Variants in MYO1E observed in about 807,000 individuals in gnomAD.
MYO1E encodes the protein myosin IE.
In MYO1E, 68 loss-of-function variants were observed where a neutral mutation model predicts 151.1. That is an observed-to-expected ratio of 0.45 (90% CI 0.37 to 0.55). The LOEUF (loss-of-function observed/expected upper bound fraction) is 0.55. Among genes scored for constraint, MYO1E ranks in the 20% least tolerant of loss-of-function variants. The pLI is 0.00. For missense variants in MYO1E, 1,363 were observed against 1,389.3 expected (o/e 0.98, Z 0.30); for synonymous variants, 601 against 501.7 (o/e 1.20, Z -2.64).
intron 25 of MYO1E, among the ~76,000 whole-genome samples, chr15:59,157,959 C>T (rs774606285): frequency 1.3e-5 from 2 of 152,212 alleles, no homozygotes; most frequent in Non-Finnish European, 2.9e-5. Context: ...CATAAAGCAG[C>T]ATCCTGTGTC....
intron 4 of MYO1E, among the ~76,000 whole-genome samples, chr15:59,251,978 C>G (rs2080167771): frequency 6.6e-6 from 1 of 152,184 alleles, no homozygotes; most frequent in Non-Finnish European, 1.5e-5. Flanking sequence ...GTTACTTTAA[C>G]AGCATTAACA....
At chr15:59,257,366 G>C (rs1177333546) in intron 3 of MYO1E, among the ~76,000 whole-genome samples, 1 of 152,182 alleles carries the variant, frequency 6.6e-6, no homozygotes, top group African/African-American at 2.4e-5. Context: ...TACTTGGGAG[G>C]CTGAGGTGGG....
chr15:59,155,726 G>C (rs983702539), intron 25 of MYO1E, among the ~76,000 whole-genome samples: 2 of 152,182 alleles, frequency 1.3e-5, no homozygotes, highest in Admixed American at 1.3e-4. Context: ...GAAGAAAGGA[G>C]GAGACAGAGC....
intron 1 of MYO1E, among the ~76,000 whole-genome samples, chr15:59,351,169 G>C (rs2080821220): frequency 6.6e-6 from 1 of 152,190 alleles, no homozygotes; most frequent in Non-Finnish European, 1.5e-5. Flanking sequence ...AAAGTGCTGG[G>C]ATTACAGGTG....
intron 17 of MYO1E, among the ~76,000 whole-genome samples, chr15:59,191,355 A>AGAGAGAGG (rs2079732510): frequency 6.6e-6 from 1 of 151,172 alleles, no homozygotes; most frequent in African/African-American, 2.4e-5. Context: ...AGAGAGAGAG[A>AGAGAGAGG]GAGAGAGAGA....
At chr15:59,243,308 A>C (rs1378972431) in intron 4 of MYO1E, among the ~76,000 whole-genome samples, 1 of 152,192 alleles carries the variant, frequency 6.6e-6, no homozygotes, top group East Asian at 1.9e-4. Context: ...GGAGGCTTGA[A>C]AGGAACACAC....
intron 1 of MYO1E, among the ~76,000 whole-genome samples, chr15:59,325,729 C>T (rs957145629): frequency 6.6e-6 from 1 of 152,160 alleles, no homozygotes; most frequent in Admixed American, 6.5e-5. Flanking sequence ...CTGGCCCAGG[C>T]TGGGGGAATA....
intron 16 of MYO1E, among the ~76,000 whole-genome samples, chr15:59,196,539 T>A (rs1179405139): frequency 6.6e-6 from 1 of 152,118 alleles, no homozygotes; most frequent in Non-Finnish European, 1.5e-5. Flanking sequence ...CAGAAAACCA[T>A]TACAGTCAGC....
intron 26 of MYO1E, among the ~76,000 whole-genome samples, chr15:59,143,817 C>T (rs2079425018): frequency 6.6e-6 from 1 of 152,238 alleles, no homozygotes; most frequent in Non-Finnish European, 1.5e-5. Context: ...GCTATGCTCC[C>T]CTGGCCTCTG....
chr15:59,253,732 A>C (rs565739648), intron 4 of MYO1E, among the ~76,000 whole-genome samples: 1 of 152,040 alleles, frequency 6.6e-6, no homozygotes, highest in Non-Finnish European at 1.5e-5. Context: ...TGCCCACCCA[A>C]GAGTGCTGGG....
chr15:59,164,346 G>T (rs1436235524), intron 22 of MYO1E, among the ~76,000 whole-genome samples: 1 of 152,224 alleles, frequency 6.6e-6, no homozygotes, highest in East Asian at 1.9e-4. Context: ...GGGATTGTAA[G>T]CATTTTCCCA....
rs1465604164 is a variant in MYO1E, at chr15:59,136,080, C to T, written c.*1300G>A. The T allele has an allele frequency of 1.3e-5, 2 of 152,332 alleles. No homozygotes were observed. The highest frequency in any genetic ancestry group is 2.9e-5 in the Non-Finnish European group (2 of 68,162). The allele number at this position is 152,332 out of a possible 1,614,324, so 9.4% of individuals were successfully genotyped here. On this transcript the variant is annotated 3_prime_UTR_variant, in exon 28 of 28. Coordinates refer to ENST00000288235, the MANE Select transcript of MYO1E (RefSeq NM_004998.4). Reference sequence around the variant, plus strand: ...GTGTGAGGGAGAATCTGTTCCAGGCCTCTGTCCAGGGCTTGTGAATGGCTG... The same window carrying T: ...GTGTGAGGGAGAATCTGTTCCAGGCTTCTGTCCAGGGCTTGTGAATGGCTG...
intron 1 of MYO1E, among the ~76,000 whole-genome samples, chr15:59,363,142 AT>A (rs1240865096): frequency 5.3e-5 from 8 of 151,392 alleles, no homozygotes; most frequent in Non-Finnish European, 8.8e-5. Context: ...TGCCTGGCTA[AT>A]TTTTTTTGCA....
chr15:59,261,580 T>A, intron 2 of MYO1E, 71 bp from the exon 3 acceptor site: 4 of 1,013,232 alleles, frequency 3.9e-6, no homozygotes, highest in Non-Finnish European at 6.3e-6. Context: ...AGTAACCAGA[T>A]GTTATCAAGA....
intron 1 of MYO1E, among the ~76,000 whole-genome samples, chr15:59,368,358 G>A (rs1195917451): frequency 6.6e-6 from 1 of 152,084 alleles, no homozygotes; most frequent in African/African-American, 2.4e-5. Context: ...GCTCATGCCT[G>A]TAATCACTTT....
intron 9 of MYO1E, among the ~76,000 whole-genome samples, chr15:59,220,867 AT>A (rs34705500): frequency 0.48 from 69,047 of 144,016 alleles, 19,876 homozygotes; most frequent in Non-Finnish European, 0.67. Flanking sequence ...AGGCGGGAGG[AT>A]GACTTAAGGC....
chr15:59,141,536 C>T (rs892356582), intron 26 of MYO1E, among the ~76,000 whole-genome samples: 6 of 152,190 alleles, frequency 3.9e-5, no homozygotes, highest in East Asian at 1.9e-4. Context: ...TGGTGGCTCA[C>T]GCCTATAATC....
intron 22 of MYO1E, among the ~76,000 whole-genome samples, chr15:59,168,373 G>A (rs1305674402): frequency 2.0e-5 from 3 of 151,830 alleles, no homozygotes; most frequent in Non-Finnish European, 2.9e-5. Flanking sequence ...TGGGGAAACC[G>A]TGTCTCTACA....
At chr15:59,152,065 TAA>T (rs879769310) in intron 26 of MYO1E, among the ~76,000 whole-genome samples, 3 of 139,872 alleles carry the variant, frequency 2.1e-5, no homozygotes, top group Admixed American at 7.2e-5. Flanking sequence ...AGACTCCGTC[TAA>T]AAAAAAAAAA....
Sources: gnomAD v4.1 joint callset for allele counts (sites outside exome capture counted in the v4.1 genomes callset) on GRCh38, gnomAD v4.1.1 for gene constraint, MANE v1.5 for transcripts, NCBI Gene and HGNC (gene_info 2026-07-23, HGNC 2026-07-21) for gene names.